Variants in MCTP1 observed in about 807,000 individuals in gnomAD.
The protein encoded by MCTP1 is multiple C2 and transmembrane domain-containing protein 1.
Under a neutral mutation model 120.6 loss-of-function variants are expected in MCTP1, and 69 were observed. The ratio of observed to expected loss-of-function variants is 0.57; its 90% CI spans 0.47 to 0.70. The LOEUF is 0.70. Ranked by LOEUF, MCTP1 falls within the 30% of genes least tolerant of loss-of-function variation. The pLI is 0.00. For missense variants in MCTP1, 1,203 were observed against 1,248.8 expected (o/e 0.96, Z 0.55); for synonymous variants, 529 against 493.1 (o/e 1.07, Z -0.96).
intron 1 of MCTP1, among the ~76,000 whole-genome samples, chr5:95,278,503 A>G (rs1041052523): frequency 6.6e-6 from 1 of 152,216 alleles, no homozygotes; most frequent in Non-Finnish European, 1.5e-5. Context: ...CTTCGTTCAC[A>G]TTAAACAAAC....
rs1249385913 is a variant in MCTP1, at chr5:94,953,327, T to A, written c.873A>T (p.Gly291=). 2.0e-5 allele frequency: 32 copies of A among 1,609,530 alleles called. No individual in the cohort carries two copies. The East Asian group carries it at 6.5e-4, about 33-fold the overall frequency. Reference sequence around the variant, plus strand: ...TCTTACTTCTAAAAACTTCTTTTCCTCCGATTTTAAACTTCACATATGGAT... The same window carrying A: ...TCTTACTTCTAAAAACTTCTTTTCCACCGATTTTAAACTTCACATATGGAT... ...TSDPYVKFKI[G]GKEVFRSKII... is the part of the protein sequence containing the mutation. The change falls in exon 3 of 23, where the codon GGA becomes GGT. Residue 291 remains glycine (G), a synonymous_variant. Coordinates refer to ENST00000515393, the MANE Select transcript of MCTP1 (RefSeq NM_024717.7).
intron 18 of MCTP1, among the ~76,000 whole-genome samples, chr5:94,786,761 ATT>A (rs141322426): frequency 6.6e-6 from 1 of 151,602 alleles, no homozygotes; most frequent in African/African-American, 2.4e-5. Flanking sequence ...ATTTATGTTG[ATT>A]TTTTTTTATT....
At chr5:94,883,259 G>A (rs564849131) in intron 12 of MCTP1, among the ~76,000 whole-genome samples, 3 of 152,234 alleles carry the variant, frequency 2.0e-5, no homozygotes, top group African/African-American at 4.8e-5. Context: ...AACAGCAGGT[G>A]TTGTATATTT....
intron 17 of MCTP1, among the ~76,000 whole-genome samples, chr5:94,818,762 G>C (rs1784998806): frequency 6.6e-6 from 1 of 152,088 alleles, no homozygotes; most frequent in Non-Finnish European, 1.5e-5. Context: ...CTGTGTTCTG[G>C]CAAGTGTGAG....
intron 10 of MCTP1, among the ~76,000 whole-genome samples, chr5:94,907,977 A>T (rs1411104925): frequency 1.3e-5 from 2 of 152,098 alleles, no homozygotes; most frequent in African/African-American, 4.8e-5. Flanking sequence ...CACCAAATAT[A>T]ACTAATATTA....
chr5:94,894,862 A>G, intron 10 of MCTP1, 27 bp from the exon 11 acceptor site: 1 of 1,344,494 alleles, frequency 7.4e-7, no homozygotes. Context: ...TGAATCAGCA[A>G]GTGGCTTTTT....
At chr5:95,078,608 C>T (rs1260016232) in intron 1 of MCTP1, among the ~76,000 whole-genome samples, 1 of 152,114 alleles carries the variant, frequency 6.6e-6, no homozygotes, top group Non-Finnish European at 1.5e-5. Context: ...AATGTAGTAA[C>T]ATTAAAAAGA....
chr5:94,953,395 T>C, intron 2 of MCTP1, 34 bp from the exon 3 acceptor site: 1 of 1,507,350 alleles, frequency 6.6e-7, no homozygotes, highest in Non-Finnish European at 8.9e-7. Flanking sequence ...ATGTTAATCA[T>C]GACTTGGTTT....
In MCTP1 at chr5:95,284,439, G is replaced by A. The variant is rs957000312; in HGVS notation, c.137C>T (p.Pro46Leu). ...CGGGGTGTCCGCAGTGCGGCGCTCT[G>A]GACCCCCAGCGCGCCCGCCCCCGCC... Reference protein sequence around the residue: ...KGGGGGRAGGPERRTADTPSP... With the variant: ...KGGGGGRAGGLERRTADTPSP... Residue 46 changes from proline (P) to leucine (L), a missense_variant, in exon 1 of 23, where the codon CCA (proline) becomes CTA (leucine). Physicochemically the swap from Pro to Leu is moderately conservative, Grantham distance 98. Around this residue, in one of 2 missense-constraint regions of MCTP1, gnomAD observed 463 missense variants for 377.8 expected, o/e 1.23. Transcript: ENST00000515393. This position sits in a 1 kb window ranked among gnomAD's most constrained non-coding sequence, Gnocchi z 5.2. The A allele has an allele frequency of 2.6e-6, 4 of 1,534,284 alleles. No homozygotes were observed. In the South Asian group the frequency reaches 3.6e-5, roughly 14 times the overall value.
intron 1 of MCTP1, among the ~76,000 whole-genome samples, chr5:95,209,419 C>T (rs1428967544): frequency 6.6e-6 from 1 of 152,152 alleles, no homozygotes; most frequent in Non-Finnish European, 1.5e-5. Flanking sequence ...TTCTGTCACA[C>T]CTACAGTTTT....
chr5:94,715,316 A>T (rs1039165154), intron 19 of MCTP1, among the ~76,000 whole-genome samples: 2 of 145,394 alleles, frequency 1.4e-5, no homozygotes, highest in African/African-American at 5.1e-5. Flanking sequence ...ATATTTCAGC[A>T]GCAGAGAATG....
chr5:95,186,932 C>A (rs533798503), intron 1 of MCTP1, among the ~76,000 whole-genome samples: 13 of 152,192 alleles, frequency 8.5e-5, no homozygotes, highest in Admixed American at 6.5e-4. Flanking sequence ...TGGCTTATAT[C>A]CAAAAGACAG....
At chr5:94,727,139 G>C (rs1473610831) in intron 19 of MCTP1, among the ~76,000 whole-genome samples, 4 of 152,192 alleles carry the variant, frequency 2.6e-5, no homozygotes, top group African/African-American at 7.2e-5. Flanking sequence ...GAGCTTAAAA[G>C]AGATTTGTTG....
chr5:94,786,658 T>G (rs1290167127), intron 18 of MCTP1, among the ~76,000 whole-genome samples: 2 of 152,232 alleles, frequency 1.3e-5, no homozygotes, highest in African/African-American at 4.8e-5. Context: ...TCATTTCTGC[T>G]TTATGTAGTG....
At chr5:95,211,592 G>C (rs1752382392) in intron 1 of MCTP1, among the ~76,000 whole-genome samples, 1 of 152,124 alleles carries the variant, frequency 6.6e-6, no homozygotes. Context: ...TCTTTTCAAA[G>C]TTTTCAACCT....
At chr5:95,279,583 AC>A (rs1203899623) in intron 1 of MCTP1, among the ~76,000 whole-genome samples, 1 of 152,210 alleles carries the variant, frequency 6.6e-6, no homozygotes, top group Non-Finnish European at 1.5e-5. Context: ...AATAATAATA[AC>A]AAGCACAGCA....
At chr5:94,812,764 C>A (rs1422107711) in intron 17 of MCTP1, among the ~76,000 whole-genome samples, 2 of 121,774 alleles carry the variant, frequency 1.6e-5, no homozygotes, top group African/African-American at 2.6e-5. Context: ...CACAGTGAGA[C>A]CTTGCCTCTT....
At chr5:94,980,154 G>C (rs528274648) in intron 2 of MCTP1, among the ~76,000 whole-genome samples, 1 of 152,210 alleles carries the variant, frequency 6.6e-6, no homozygotes, top group South Asian at 2.1e-4. Flanking sequence ...ATTTAAAACA[G>C]TACTCCCAGA....
intron 1 of MCTP1, among the ~76,000 whole-genome samples, chr5:95,192,113 C>A (rs1749886240): frequency 6.6e-6 from 1 of 151,856 alleles, no homozygotes; most frequent in Non-Finnish European, 1.5e-5. Flanking sequence ...CCTAAAATTG[C>A]ATGCACAGAA....
Sources: gnomAD v4.1 joint callset for allele counts (sites outside exome capture counted in the v4.1 genomes callset) on GRCh38, gnomAD v4.1.1 for gene constraint, gnomAD v4.1.1 regional missense constraint, Gnocchi (gnomAD v3.1) non-coding constraint, MANE v1.5 for transcripts, NCBI Gene and HGNC (gene_info 2026-07-23, HGNC 2026-07-21) for gene names.